CSMD1: variants seen among roughly 807,000 people sequenced by gnomAD.
The protein encoded by CSMD1 is CUB and sushi domain-containing protein 1.
Under a neutral mutation model 417.5 loss-of-function variants are expected in CSMD1, and 213 were observed. The observed-to-expected ratio is 0.51, with a 90% confidence interval of 0.46 to 0.57. The LOEUF (loss-of-function observed/expected upper bound fraction) is 0.57, where lower values mean the gene tolerates loss of function less well. Among genes scored for constraint, CSMD1 ranks in the 20% least tolerant of loss-of-function variants. The probability of loss-of-function intolerance (pLI) is 0.00; values close to 1 mark genes in which losing one functional copy is unlikely to be tolerated. For synonymous variants in CSMD1, 2,862 were observed against 1,736.8 expected (o/e 1.65, Z -16.11); for missense variants, 6,923 against 4,529.7 (o/e 1.53, Z -15.17).
At chr8:3,237,168 T>C (rs972869278) in intron 26 of CSMD1, among the ~76,000 whole-genome samples, 2 of 151,454 alleles carry the variant, frequency 1.3e-5, no homozygotes, top group Admixed American at 1.3e-4. Context: ...GATATATATA[T>C]AGTCTCACAA....
At chr8:3,374,179 C>A (rs1026804018) in intron 18 of CSMD1, among the ~76,000 whole-genome samples, 1 of 134,784 alleles carries the variant, frequency 7.4e-6, no homozygotes, top group Non-Finnish European at 1.6e-5. Context: ...GTCTCGAACT[C>A]CTGACCTCAA....
At chr8:4,253,518 G>C (rs17069756) in intron 3 of CSMD1, among the ~76,000 whole-genome samples, 4,472 of 152,214 alleles carry the variant, frequency 0.029, 97 homozygotes, top group African/African-American at 0.058. Context: ...CCCTGGGATA[G>C]AGAAAGAAGA....
At chr8:4,752,370 G>A (rs1811385992) in intron 1 of CSMD1, among the ~76,000 whole-genome samples, 1 of 152,136 alleles carries the variant, frequency 6.6e-6, no homozygotes, top group Non-Finnish European at 1.5e-5. Flanking sequence ...TTGAACAATA[G>A]ATGAAACAAA....
chr8:3,622,325 C>T (rs1184984796), intron 7 of CSMD1, among the ~76,000 whole-genome samples: 1 of 152,194 alleles, frequency 6.6e-6, no homozygotes, highest in Non-Finnish European at 1.5e-5. Flanking sequence ...GAACGACTAT[C>T]ATTGATGTTT....
chr8:4,310,703 G>C (rs34435021), intron 3 of CSMD1, among the ~76,000 whole-genome samples: 1 of 152,086 alleles, frequency 6.6e-6, no homozygotes, highest in Non-Finnish European at 1.5e-5. Flanking sequence ...CATAGAACCT[G>C]CAAGACACGC....
At chr8:3,849,739 G>A (rs1006298929) in intron 5 of CSMD1, among the ~76,000 whole-genome samples, 1 of 152,170 alleles carries the variant, frequency 6.6e-6, no homozygotes, top group Non-Finnish European at 1.5e-5. Context: ...CAATCTTTAT[G>A]AAGCTCTTGT....
At chr8:3,344,525 G>T (rs907742780) in intron 22 of CSMD1, among the ~76,000 whole-genome samples, 13 of 152,180 alleles carry the variant, frequency 8.5e-5, no homozygotes, top group African/African-American at 2.9e-4. Context: ...AGAGCACTAG[G>T]TGGGCACGGC....
At chr8:3,641,396 TAGAAGC>T (rs1462951762) in intron 7 of CSMD1, among the ~76,000 whole-genome samples, 1 of 152,140 alleles carries the variant, frequency 6.6e-6, no homozygotes, top group African/African-American at 2.4e-5. Context: ...GAGCAGATCT[TAGAAGC>T]AGAAATAAAA....
intron 3 of CSMD1, among the ~76,000 whole-genome samples, chr8:4,358,687 A>C (rs1801576671): frequency 6.6e-6 from 1 of 152,222 alleles, no homozygotes; most frequent in East Asian, 1.9e-4. Flanking sequence ...ACTTTTTCTA[A>C]GAGTAGAAAC....
chr8:3,029,255 A>T (rs1441815950), intron 51 of CSMD1, 64 bp downstream of exon 51: 2 of 1,381,770 alleles, frequency 1.4e-6, no homozygotes, highest in Non-Finnish European at 2.0e-6. Context: ...CTCACCACTG[A>T]CATAAGCCAT....
At chr8:4,558,775 G>C (rs1329346558) in intron 2 of CSMD1, among the ~76,000 whole-genome samples, 1 of 152,174 alleles carries the variant, frequency 6.6e-6, no homozygotes, top group East Asian at 1.9e-4. Context: ...GGCTGAGGCA[G>C]GAGAATTGCT....
At chr8:3,379,405 G>T (rs907420931) in intron 18 of CSMD1, among the ~76,000 whole-genome samples, 13 of 152,002 alleles carry the variant, frequency 8.6e-5, no homozygotes, top group African/African-American at 2.7e-4. Flanking sequence ...TACTTAAAAT[G>T]TCATATGGAA....
Position 3,285,812 on chromosome 8 carries a change from C to T in CSMD1, c.3951-1466G>A, listed in dbSNP as rs1032260924. Among the ~76,000 whole-genome samples the T allele has an allele frequency of 6.0e-5, 9 of 151,172 alleles. No individual in the cohort carries two copies. In the East Asian group the frequency reaches 1.6e-3, roughly 26 times the overall value. On this transcript the variant is annotated intron_variant, in intron 25 of 69. Transcript: ENST00000635120. ...CACTCTGAAGTTGTAATGTAATATC[C>T]CCATTTGTGTATATATATATATATT...
chr8:3,658,466 G>A (rs3110305), intron 7 of CSMD1, among the ~76,000 whole-genome samples: 119,071 of 145,346 alleles, frequency 0.82, 48,908 homozygotes, highest in South Asian at 0.84. Context: ...TATATATTGT[G>A]TATATATATA....
intron 5 of CSMD1, among the ~76,000 whole-genome samples, chr8:3,820,498 C>G (rs1213061863): frequency 1.3e-5 from 2 of 152,228 alleles, no homozygotes; most frequent in African/African-American, 2.4e-5. Flanking sequence ...TCAGGGTCAA[C>G]AGCACACGTG....
intron 3 of CSMD1, among the ~76,000 whole-genome samples, chr8:4,277,220 C>CAG (rs1796537556): frequency 6.6e-6 from 1 of 151,742 alleles, no homozygotes; most frequent in Non-Finnish European, 1.5e-5. Flanking sequence ...TATATATACA[C>CAG]ACAGACACAT....
intron 49 of CSMD1, among the ~76,000 whole-genome samples, chr8:3,062,788 G>C (rs1007055929): frequency 6.6e-6 from 1 of 152,168 alleles, no homozygotes; most frequent in African/African-American, 2.4e-5. Flanking sequence ...GCTCTGGCTT[G>C]GCAAATAAAG....
At chr8:3,819,848 A>C (rs777192161) in intron 5 of CSMD1, among the ~76,000 whole-genome samples, 1 of 152,102 alleles carries the variant, frequency 6.6e-6, no homozygotes, top group Non-Finnish European at 1.5e-5. Flanking sequence ...CCTGGCCTGA[A>C]AGTGATTTTG....
intron 1 of CSMD1, among the ~76,000 whole-genome samples, chr8:4,831,226 A>G (rs1800132013): frequency 6.6e-6 from 1 of 152,228 alleles, no homozygotes; most frequent in Non-Finnish European, 1.5e-5. Flanking sequence ...CACACCTGAC[A>G]AAAAGAGGGA....
Sources: allele counts gnomAD v4.1 joint callset (sites outside exome capture counted in the v4.1 genomes callset), GRCh38; gene constraint gnomAD v4.1.1; transcripts MANE v1.5; gene names NCBI Gene and HGNC (gene_info 2026-07-23, HGNC 2026-07-21).